WDR43: variants seen among roughly 807,000 people sequenced by gnomAD.
The protein encoded by WDR43 is WD repeat domain 43.
WDR43 carries 13 observed loss-of-function variants against 91.4 expected under a neutral mutation model. The observed-to-expected ratio is 0.14, with a 90% CI of 0.09 to 0.23. The LOEUF (loss-of-function observed/expected upper bound fraction) is 0.23. Among genes scored for constraint, WDR43 ranks in the 10% least tolerant of loss-of-function variants. WDR43 has a pLI of 1.00. For synonymous variants in WDR43, 331 were observed against 287.9 expected (o/e 1.15, Z -1.51); for missense variants, 780 against 809.4 (o/e 0.96, Z 0.44).
chr2:28,930,693 A>G (rs1225687336), intron 11 of WDR43, among the ~76,000 whole-genome samples: 1 of 152,234 alleles, frequency 6.6e-6, no homozygotes, highest in Non-Finnish European at 1.5e-5. Context: ...TTGCGTTCTA[A>G]TTATGCTTTG....
At chr2:28,909,396 G>T (rs1670747368) in intron 3 of WDR43, among the ~76,000 whole-genome samples, 1 of 152,164 alleles carries the variant, frequency 6.6e-6, no homozygotes, top group Non-Finnish European at 1.5e-5. Flanking sequence ...GCCTCCCAAA[G>T]TGCTGGGATT....
intron 16 of WDR43, among the ~76,000 whole-genome samples, chr2:28,943,383 G>C (rs1558385607): frequency 1.3e-5 from 2 of 151,954 alleles, no homozygotes; most frequent in Non-Finnish European, 2.9e-5. Flanking sequence ...CGGTCTTCTC[G>C]CGTCAGCTTC....
At chr2:28,922,042 T>C (rs979785100) in intron 6 of WDR43, among the ~76,000 whole-genome samples, 1 of 152,194 alleles carries the variant, frequency 6.6e-6, no homozygotes, top group African/African-American at 2.4e-5. Flanking sequence ...GCACTAAACG[T>C]CAGAAAGAAT....
At position 28,929,510 on chromosome 2, in the gene WDR43, A is replaced by AT. The variant is rs569646059; in HGVS notation, c.1306-61dup. ...AATCTATTTTATTTTATTTTATTTT[A>AT]TTTTTTTTGTCTCCAAACTACTTTA... On this transcript the variant is annotated intron_variant, in intron 10 of 17. Coordinates refer to ENST00000407426, the MANE Select transcript of WDR43 (RefSeq NM_015131.3). The AT allele has an allele frequency of 1.8e-3, 2,224 of 1,234,058 alleles. 30 individuals are homozygous for AT. The African/African-American group carries it at 0.027, about 15-fold the overall frequency. The allele number at this position is 1,234,058 out of a possible 1,614,324, so 76.4% of individuals were successfully genotyped here. A position where few individuals can be genotyped will look rare whatever the true frequency, so the allele number is the denominator to read the frequency against.
chr2:28,942,455 T>A lies in WDR43; in HGVS notation c.1804+74T>A, dbSNP rs112897723. The A allele has an allele frequency of 3.7e-5, 54 of 1,473,916 alleles. 1 individual carries two copies. In the African/African-American group the frequency reaches 4.3e-4, roughly 12 times the overall value. 91.3% of individuals were successfully genotyped at this position (1,473,916 alleles called of 1,614,324 possible). A position where few individuals can be genotyped will look rare whatever the true frequency, so the allele number is the denominator to read the frequency against. On this transcript the variant is annotated intron_variant, in intron 16 of 17. Coordinates refer to ENST00000407426, the MANE Select transcript of WDR43 (RefSeq NM_015131.3). ...TTCAGTGACTGAGTTCTGTTATCTT[T>A]TTGAAAACGTCAACATAAGATCTTC...
rs376295264 is a variant in WDR43 at position 28,942,371 on chromosome 2, G to A, written c.1794G>A (p.Val598=). The change falls in exon 16 of 18, where the codon GTG becomes GTA. Residue 598 remains valine, a synonymous_variant. Coordinates refer to ENST00000407426, the MANE Select transcript of WDR43 (RefSeq NM_015131.3). The stretch of plus-strand genomic sequence containing the variant: ...CCCCTGGACAGAAGGCAAAGTTGGT[G>A]TATGAAGAAGGTAAAGACTGGGGGA... ...ATSPGQKAKL[V]YEEESSEEES... 5 of 1,613,408 alleles carry A rather than the reference G, an allele frequency of 3.1e-6. No individual in the cohort carries two copies. Among genetic ancestry groups the A allele is most frequent in the South Asian group, 1.1e-5 (1 of 90,926 alleles).
chr2:28,913,696 G>A (rs182242313), intron 4 of WDR43: 22 of 524,392 alleles, frequency 4.2e-5, no homozygotes, highest in Admixed American at 2.3e-4. Flanking sequence ...TTGTGGTTTC[G>A]ACTCACTGAG....
intron 5 of WDR43, among the ~76,000 whole-genome samples, chr2:28,916,833 G>C (rs1428212609): frequency 6.6e-6 from 1 of 151,926 alleles, no homozygotes; most frequent in South Asian, 2.1e-4. Flanking sequence ...TGTAAAGGTA[G>C]CCAGCTTGTA....
chr2:28,931,792 T>TA (rs1478600923), intron 11 of WDR43, among the ~76,000 whole-genome samples: 1 of 151,904 alleles, frequency 6.6e-6, no homozygotes, highest in Non-Finnish European at 1.5e-5. Flanking sequence ...GTAGAAATAA[T>TA]AGAGAAGTGG....
intron 6 of WDR43, among the ~76,000 whole-genome samples, chr2:28,918,321 GGTGTGTGTGTGT>G (rs10578792): frequency 6.6e-6 from 1 of 150,592 alleles, no homozygotes; most frequent in Non-Finnish European, 1.5e-5. Flanking sequence ...TCCTAACTAA[GGTGTGTGTGTGT>G]GTGTGTGTGT....
intron 3 of WDR43, among the ~76,000 whole-genome samples, chr2:28,909,699 C>A (rs1475306682): frequency 6.6e-6 from 1 of 152,080 alleles, no homozygotes; most frequent in African/African-American, 2.4e-5. Context: ...ATAGTGAGAA[C>A]CCCCTCTCTA....
intron 1 of WDR43, chr2:28,895,215 C>A (rs935669999): frequency 3.4e-6 from 1 of 296,098 alleles, no homozygotes; most frequent in Non-Finnish European, 6.2e-6. Context: ...TTCGCCAAGT[C>A]CCCTGGTCCC....
intron 2 of WDR43, among the ~76,000 whole-genome samples, chr2:28,903,927 C>T (rs1453470483): frequency 6.6e-6 from 1 of 152,134 alleles, no homozygotes; most frequent in African/African-American, 2.4e-5. Context: ...GCCTCAGCCT[C>T]CTGAGTAGCT....
At chr2:28,931,176 G>A (rs1671234809) in intron 11 of WDR43, among the ~76,000 whole-genome samples, 1 of 150,842 alleles carries the variant, frequency 6.6e-6, no homozygotes, top group Non-Finnish European at 1.5e-5. Flanking sequence ...CCCAGGTCCT[G>A]GTTCAAGCAA....
chr2:28,898,927 CCTTG>C (rs1670531025), intron 1 of WDR43, among the ~76,000 whole-genome samples: 1 of 152,172 alleles, frequency 6.6e-6, no homozygotes, highest in African/African-American at 2.4e-5. Flanking sequence ...CTGTACAACT[CCTTG>C]CTTTTATAAA....
At chr2:28,911,151 C>T (rs1385010670) in intron 3 of WDR43, among the ~76,000 whole-genome samples, 5 of 151,650 alleles carry the variant, frequency 3.3e-5, no homozygotes, top group Middle Eastern at 6.3e-3. Context: ...ATTCTCATAC[C>T]CTGTTTAAAT....
At chr2:28,941,607 T>G (rs1302462428) in intron 15 of WDR43, 33 bp downstream of exon 15, 5 of 1,516,890 alleles carry the variant, frequency 3.3e-6, no homozygotes, top group African/African-American at 1.4e-5. Flanking sequence ...GGCTAAAACT[T>G]TTGGACATGG....
chr2:28,931,531 C>T (rs1671244318), intron 11 of WDR43, among the ~76,000 whole-genome samples: 1 of 152,178 alleles, frequency 6.6e-6, no homozygotes, highest in African/African-American at 2.4e-5. Context: ...TACTGCATCA[C>T]TGTGGTATCA....
chr2:28,934,773 G>A (rs543569296), intron 11 of WDR43, among the ~76,000 whole-genome samples: 1 of 152,194 alleles, frequency 6.6e-6, no homozygotes, highest in Admixed American at 6.5e-5. Flanking sequence ...GCCTTTTGGT[G>A]CCACTGCTGT....
Sources: gnomAD v4.1 joint callset for allele counts (sites outside exome capture counted in the v4.1 genomes callset) on GRCh38, gnomAD v4.1.1 for gene constraint, MANE v1.5 for transcripts, NCBI Gene and HGNC (gene_info 2026-07-23, HGNC 2026-07-21) for gene names.